The following ANO6 variants were observed in gnomAD, a reference collection of about 807,000 sequenced individuals.
The protein encoded by ANO6 is anoctamin 6.
ANO6 carries 106 observed loss-of-function variants against 117.5 expected under a neutral mutation model. That is an observed-to-expected ratio of 0.90 (90% CI 0.77 to 1.06). The LOEUF (loss-of-function observed/expected upper bound fraction) is 1.06, where lower values mean the gene tolerates loss of function less well. Ranked by LOEUF, ANO6 falls within the 50% of genes least tolerant of loss-of-function variation. The pLI is 0.00. For missense variants in ANO6, 955 were observed against 1,121.1 expected (o/e 0.85, Z 2.12); for synonymous variants, 367 against 385.1 (o/e 0.95, Z 0.55).
intron 12 of ANO6, among the ~76,000 whole-genome samples, chr12:45,397,458 C>A (rs774268888): frequency 1.3e-5 from 2 of 152,110 alleles, no homozygotes; most frequent in East Asian, 3.9e-4. Context: ...CTAGAAATAC[C>A]ATTTGACCCA....
At chr12:45,328,501 T>A (rs1183690664) in intron 2 of ANO6, among the ~76,000 whole-genome samples, 1 of 152,192 alleles carries the variant, frequency 6.6e-6, no homozygotes, top group African/African-American at 2.4e-5. Context: ...GTTCTACTTA[T>A]TACTCATGCC....
intron 3 of ANO6, among the ~76,000 whole-genome samples, chr12:45,343,468 T>A (rs1286296923): frequency 6.6e-6 from 1 of 152,044 alleles, no homozygotes; most frequent in African/African-American, 2.4e-5. Flanking sequence ...TCAGGGTGAG[T>A]CATCTCCCCT....
rs1184796564 is a variant in ANO6 at position 45,230,499 on chromosome 12, AGG to A, written c.70+14110_70+14111del. Among the ~76,000 whole-genome samples the A allele has an allele frequency of 1.5e-4, 22 of 150,732 alleles. 1 individual carries two copies. The East Asian group carries it at 4.3e-3, about 29-fold the overall frequency. On this transcript the variant is annotated intron_variant, in intron 1 of 19. Transcript: ENST00000320560. ...ATAATTGATATATATAAAATATACA[AGG>A]GATGGTTCCTTGCATGGTCATTGTA...
At chr12:45,375,514 T>A (rs1435493515) in intron 9 of ANO6, among the ~76,000 whole-genome samples, 1 of 152,068 alleles carries the variant, frequency 6.6e-6, no homozygotes, top group South Asian at 2.1e-4. Flanking sequence ...GAGATATAGA[T>A]CAATGGAACA....
chr12:45,315,466 A>G (rs1363763979), intron 2 of ANO6, among the ~76,000 whole-genome samples: 1 of 151,968 alleles, frequency 6.6e-6, no homozygotes, highest in Non-Finnish European at 1.5e-5. Context: ...AGATAGTCTT[A>G]CATTGACCAT....
At chr12:45,219,635 T>C (rs1300904877) in intron 1 of ANO6, among the ~76,000 whole-genome samples, 1 of 151,840 alleles carries the variant, frequency 6.6e-6, no homozygotes, top group Admixed American at 6.6e-5. Context: ...TGAGCCACCA[T>C]GCCTGGCTGT....
downstream of ANO6, among the ~76,000 whole-genome samples, chr12:45,433,219 G>A (rs930625956): frequency 1.3e-5 from 2 of 152,158 alleles, no homozygotes; most frequent in Non-Finnish European, 2.9e-5. Flanking sequence ...CAGGCATAGC[G>A]GAAGCCTTCC....
intron 1 of ANO6, among the ~76,000 whole-genome samples, chr12:45,219,145 G>A (rs1470123811): frequency 6.6e-6 from 1 of 151,982 alleles, no homozygotes; most frequent in Non-Finnish European, 1.5e-5. Flanking sequence ...ATACCATTGG[G>A]CGTTATAATG....
At chr12:45,237,286 A>G (rs1947660954) in intron 1 of ANO6, among the ~76,000 whole-genome samples, 3 of 152,230 alleles carry the variant, frequency 2.0e-5, no homozygotes, top group African/African-American at 7.2e-5. Context: ...TGTTTTAGAC[A>G]TGAAGTCCTT....
intron 12 of ANO6, among the ~76,000 whole-genome samples, chr12:45,394,031 A>G (rs1176723866): frequency 1.3e-5 from 2 of 152,246 alleles, no homozygotes; most frequent in African/African-American, 2.4e-5. Context: ...AAATGCCCCA[A>G]TTAAAAGACA....
At chr12:45,268,617 G>C (rs1007023465) in intron 1 of ANO6, among the ~76,000 whole-genome samples, 1 of 152,158 alleles carries the variant, frequency 6.6e-6, no homozygotes, top group Admixed American at 6.5e-5. Flanking sequence ...ACTGGGCTCT[G>C]ATCTTGGTGA....
intron 1 of ANO6, among the ~76,000 whole-genome samples, chr12:45,238,530 C>T (rs570683729): frequency 2.6e-5 from 4 of 152,160 alleles, no homozygotes; most frequent in African/African-American, 7.2e-5. Context: ...TAATTTAATA[C>T]TCTTTATTCC....
intron 19 of ANO6, among the ~76,000 whole-genome samples, chr12:45,424,070 A>C (rs1461858153): frequency 6.6e-6 from 1 of 151,984 alleles, no homozygotes; most frequent in Non-Finnish European, 1.5e-5. Context: ...AGGGAAGACA[A>C]GTAACTCACG....
rs202042119 is a variant in ANO6, at chr12:45,216,376, G to C, written c.55G>C (p.Asp19His). The change falls in exon 1 of 20, where the codon GAC becomes CAC. Residue 19 changes from aspartate to histidine, a missense_variant. By Grantham distance (81) the Asp-to-His change is moderately conservative. Transcript: ENST00000320560. ...ACAAATGGAGGAGGAGGAGGACGAC[G>C]ACGATGGGGATATCGGTGAGCGAGG... ...LLQMEEEEDD[D>H]DGDIVLENLG... 3.5e-5 allele frequency: 57 copies of C among 1,612,712 alleles called. No homozygotes were observed. Among genetic ancestry groups the C allele is most frequent in the Non-Finnish European group, 4.5e-5 (53 of 1,179,376 alleles).
At chr12:45,262,107 G>T (rs1938057478) in intron 1 of ANO6, among the ~76,000 whole-genome samples, 1 of 151,958 alleles carries the variant, frequency 6.6e-6, no homozygotes, top group African/African-American at 2.4e-5. Flanking sequence ...TAGAAATTTT[G>T]GGAAATACAG....
At chr12:45,363,589 G>T (rs1308300301) in intron 8 of ANO6, among the ~76,000 whole-genome samples, 1 of 151,672 alleles carries the variant, frequency 6.6e-6, no homozygotes, top group Non-Finnish European at 1.5e-5. Context: ...AAAAAAGGGT[G>T]TTCAGTCTGT....
chr12:45,358,251 C>T (rs558097398), intron 8 of ANO6, among the ~76,000 whole-genome samples: 2 of 152,324 alleles, frequency 1.3e-5, no homozygotes, highest in South Asian at 4.1e-4. Flanking sequence ...AGTTAGGTTG[C>T]TTACATGGCA....
At chr12:45,304,854 G>GA (rs1939614453) in intron 2 of ANO6, among the ~76,000 whole-genome samples, 1 of 152,174 alleles carries the variant, frequency 6.6e-6, no homozygotes, top group Admixed American at 6.5e-5. Context: ...GTTAGGTAAA[G>GA]CCAGCACTGC....
chr12:45,285,711 G>T (rs1434112367), intron 1 of ANO6, among the ~76,000 whole-genome samples: 2 of 134,648 alleles, frequency 1.5e-5, no homozygotes, highest in African/African-American at 5.5e-5. Context: ...CCTAGCAACA[G>T]AACAAGACTC....
Sources: gnomAD v4.1 joint callset for allele counts (sites outside exome capture counted in the v4.1 genomes callset) on GRCh38, gnomAD v4.1.1 for gene constraint, MANE v1.5 for transcripts, NCBI Gene and HGNC (gene_info 2026-07-23, HGNC 2026-07-21) for gene names.